CNTN5: variants seen among roughly 807,000 people sequenced by gnomAD.
CNTN5 encodes the protein contactin-5.
CNTN5 carries 77 observed loss-of-function variants against 129.1 expected under a neutral mutation model. That is an observed-to-expected ratio of 0.60 (90% CI 0.50 to 0.72). The LOEUF is 0.72. Among genes scored for constraint, CNTN5 ranks in the 30% least tolerant of loss-of-function variants. The probability of loss-of-function intolerance (pLI) is 0.00; values close to 1 mark genes in which losing one functional copy is unlikely to be tolerated. For missense variants in CNTN5, 1,478 were observed against 1,328.8 expected (o/e 1.11, Z -1.75); for synonymous variants, 509 against 465.6 (o/e 1.09, Z -1.20).
At chr11:99,239,876 G>C (rs947313476) in intron 1 of CNTN5, among the ~76,000 whole-genome samples, 1 of 150,388 alleles carries the variant, frequency 6.6e-6, no homozygotes, top group South Asian at 2.1e-4. Context: ...GGCGGAGCTT[G>C]CAGTGAGCCG....
At chr11:100,084,020 G>T (rs535261678) in intron 13 of CNTN5, among the ~76,000 whole-genome samples, 1 of 143,478 alleles carries the variant, frequency 7.0e-6, no homozygotes, top group Non-Finnish European at 1.5e-5. Flanking sequence ...AGTCTGGTTT[G>T]TTGTACTATG....
chr11:99,411,866 C>A (rs1284869616), intron 2 of CNTN5, among the ~76,000 whole-genome samples: 1 of 152,158 alleles, frequency 6.6e-6, no homozygotes, highest in Non-Finnish European at 1.5e-5. Flanking sequence ...GGTAAAACAA[C>A]CTGTAGACTC....
At chr11:99,465,106 T>C (rs1001285567) in intron 2 of CNTN5, among the ~76,000 whole-genome samples, 1 of 152,200 alleles carries the variant, frequency 6.6e-6, no homozygotes, top group Non-Finnish European at 1.5e-5. Flanking sequence ...ATAGTGTATG[T>C]TAGGAAGACA....
chr11:99,880,578 G>A (rs1053722569), intron 6 of CNTN5, among the ~76,000 whole-genome samples: 7 of 152,098 alleles, frequency 4.6e-5, no homozygotes, highest in Non-Finnish European at 1.0e-4. Flanking sequence ...AGAGACTAAT[G>A]TTTGATGTGC....
At chr11:99,517,964 G>T (rs1282049302) in intron 2 of CNTN5, among the ~76,000 whole-genome samples, 3 of 152,078 alleles carry the variant, frequency 2.0e-5, no homozygotes, top group African/African-American at 7.2e-5. Context: ...GTAAAGGAAT[G>T]ATATTGGAGA....
At chr11:99,518,194 C>A (rs1026448194) in intron 2 of CNTN5, among the ~76,000 whole-genome samples, 1 of 151,942 alleles carries the variant, frequency 6.6e-6, no homozygotes, top group Non-Finnish European at 1.5e-5. Flanking sequence ...CAGTCGGATG[C>A]GTACAACTGA....
intron 2 of CNTN5, among the ~76,000 whole-genome samples, chr11:99,357,494 C>A (rs1393622466): frequency 6.6e-6 from 1 of 151,838 alleles, no homozygotes. Context: ...CCACCCCCAC[C>A]ACACACACAC....
At chr11:99,733,708 G>A (rs1159648433) in intron 3 of CNTN5, among the ~76,000 whole-genome samples, 1 of 152,122 alleles carries the variant, frequency 6.6e-6, no homozygotes, top group Non-Finnish European at 1.5e-5. Flanking sequence ...TCTGATGGAG[G>A]GCGGTGAGGG....
intron 2 of CNTN5, among the ~76,000 whole-genome samples, chr11:99,535,364 A>G (rs1190716450): frequency 6.6e-6 from 1 of 152,210 alleles, no homozygotes; most frequent in Non-Finnish European, 1.5e-5. Context: ...AACAGTAGAC[A>G]GAATAGAAAT....
Position 99,926,254 on chromosome 11 carries a change from C to G in CNTN5, c.673+10105C>G, listed in dbSNP as rs186887344. On this transcript the variant is annotated intron_variant, in intron 7 of 24. Coordinates refer to ENST00000524871, the MANE Select transcript of CNTN5 (RefSeq NM_014361.4). Reference sequence around the variant, plus strand: ...TTGGCAGAGATTAGTTGACATCAAGCTGACAAGGCAACTAGAAGATGAATG... The same window carrying G: ...TTGGCAGAGATTAGTTGACATCAAGGTGACAAGGCAACTAGAAGATGAATG... Among the ~76,000 whole-genome samples the G allele has an allele frequency of 3.9e-5, 6 of 152,154 alleles. No homozygotes were observed. In the East Asian group the frequency reaches 1.2e-3, roughly 29 times the overall value.
chr11:99,111,917 AC>A (rs1247535951), intron 1 of CNTN5, among the ~76,000 whole-genome samples: 4 of 152,060 alleles, frequency 2.6e-5, no homozygotes, highest in African/African-American at 9.7e-5. Flanking sequence ...AAAAAAGATT[AC>A]CAGCAAAAAT....
intron 6 of CNTN5, among the ~76,000 whole-genome samples, chr11:99,857,126 T>C (rs1310358778): frequency 1.3e-5 from 2 of 149,216 alleles, no homozygotes; most frequent in African/African-American, 4.9e-5. Context: ...CTTTGTCTCA[T>C]ATGATTCCTT....
chr11:99,047,390 A>C (rs1864256810), intron 1 of CNTN5, among the ~76,000 whole-genome samples: 1 of 151,496 alleles, frequency 6.6e-6, no homozygotes, highest in African/African-American at 2.4e-5. Flanking sequence ...GCAAAAAAAA[A>C]AAAAAACCAA....
chr11:99,910,363 C>T (rs1949626604), intron 6 of CNTN5, among the ~76,000 whole-genome samples: 1 of 152,014 alleles, frequency 6.6e-6, no homozygotes, highest in Admixed American at 6.6e-5. Context: ...CTTATTTGCT[C>T]TAGAGTGTGT....
chr11:99,795,706 A>T (rs1945911111), intron 3 of CNTN5, among the ~76,000 whole-genome samples: 1 of 150,382 alleles, frequency 6.6e-6, no homozygotes. Context: ...TGAGTGTGGT[A>T]TTAGATGGAT....
At chr11:100,229,098 C>T (rs1949439317) in intron 16 of CNTN5, among the ~76,000 whole-genome samples, 1 of 152,072 alleles carries the variant, frequency 6.6e-6, no homozygotes, top group Admixed American at 6.6e-5. Flanking sequence ...GAAATAAAAG[C>T]ATGTTAGCAA....
chr11:99,956,756 T>C, intron 7 of CNTN5, 50 bp from the exon 8 acceptor site: 4 of 1,389,882 alleles, frequency 2.9e-6, no homozygotes, highest in Non-Finnish European at 3.1e-6. Context: ...GCTTTGTCTG[T>C]TAATGAAAAA....
intron 2 of CNTN5, among the ~76,000 whole-genome samples, chr11:99,339,217 T>G (rs998613743): frequency 3.9e-5 from 6 of 151,926 alleles, no homozygotes; most frequent in Non-Finnish European, 7.4e-5. Flanking sequence ...ACTTTATCCT[T>G]TTGAAATTCA....
chr11:99,277,919 G>C (rs931244412), intron 1 of CNTN5, among the ~76,000 whole-genome samples: 2 of 151,532 alleles, frequency 1.3e-5, no homozygotes, highest in Non-Finnish European at 3.0e-5. Flanking sequence ...ATGCAGAACT[G>C]GGTAAATCTA....
Sources: allele counts gnomAD v4.1 joint callset (sites outside exome capture counted in the v4.1 genomes callset), GRCh38; gene constraint gnomAD v4.1.1; transcripts MANE v1.5; gene names NCBI Gene and HGNC (gene_info 2026-07-23, HGNC 2026-07-21).